Variants in GLDC observed in about 807,000 individuals in gnomAD.
The protein encoded by GLDC is glycine decarboxylase.
In GLDC, 104 loss-of-function variants were observed where a neutral mutation model predicts 121.3. That is an observed-to-expected ratio of 0.86 (90% confidence interval 0.73 to 1.01). The LOEUF is 1.01. GLDC is among the 50% of genes least tolerant of loss of function. GLDC has a pLI of 0.00. For synonymous variants in GLDC, 546 were observed against 480.6 expected, an observed-to-expected ratio of 1.14 and a Z score of -1.78; for missense variants, 1,429 against 1,306.6, an observed-to-expected ratio of 1.09 and a Z score of -1.44.
chr9:6,562,535 T>C (rs975028861), intron 16 of GLDC, among the ~76,000 whole-genome samples: 5 of 152,192 alleles, frequency 3.3e-5, no homozygotes, highest in African/African-American at 1.2e-4. Context: ...CATTTTCTTC[T>C]CTAACTAAGA....
intron 2 of GLDC, among the ~76,000 whole-genome samples, chr9:6,632,623 G>C (rs1235478634): frequency 6.6e-6 from 1 of 152,232 alleles, no homozygotes; most frequent in Non-Finnish European, 1.5e-5. Context: ...AAGAATAGAA[G>C]TCACAACACA....
intron 11 of GLDC, among the ~76,000 whole-genome samples, chr9:6,591,406 G>A (rs1563850655): frequency 6.6e-6 from 1 of 152,138 alleles, no homozygotes; most frequent in Non-Finnish European, 1.5e-5. Context: ...CTAATAAACT[G>A]TAAGCACCAG....
chr9:6,562,702 A>AGGC (rs142418203), intron 16 of GLDC, among the ~76,000 whole-genome samples: 2,679 of 152,242 alleles, frequency 0.018, 70 homozygotes, highest in African/African-American at 0.061. Context: ...CTGGGATCAC[A>AGGC]GGCGTGCACC....
At chr9:6,574,718 A>T (rs145007048) in intron 15 of GLDC, among the ~76,000 whole-genome samples, 8 of 152,152 alleles carry the variant, frequency 5.3e-5, no homozygotes, top group African/African-American at 1.9e-4. Context: ...TTTTCCTGGC[A>T]TTCTGACTGT....
At chr9:6,601,781 C>A (rs556371212) in intron 8 of GLDC, among the ~76,000 whole-genome samples, 5 of 152,234 alleles carry the variant, frequency 3.3e-5, no homozygotes, top group Admixed American at 2.6e-4. Context: ...CATACCACCA[C>A]TGACGGCTAA....
chr9:6,622,440 C>T (rs1312655770), intron 2 of GLDC, among the ~76,000 whole-genome samples: 1 of 149,772 alleles, frequency 6.7e-6, no homozygotes, highest in Admixed American at 6.6e-5. Context: ...GACGGGGTTT[C>T]CCTGTGTTGG....
chr9:6,613,436 G>A (rs1044584344), intron 3 of GLDC, among the ~76,000 whole-genome samples: 13 of 152,042 alleles, frequency 8.6e-5, no homozygotes, highest in African/African-American at 3.1e-4. Flanking sequence ...GACCAGCCTG[G>A]GCAACATAGC....
chr9:6,601,423 T>C (rs894125255), intron 8 of GLDC, among the ~76,000 whole-genome samples: 1 of 152,234 alleles, frequency 6.6e-6, no homozygotes, highest in Non-Finnish European at 1.5e-5. Flanking sequence ...AGTCTGTATA[T>C]AAAAGTGAAG....
At chr9:6,627,780 C>T (rs1238538389) in intron 2 of GLDC, among the ~76,000 whole-genome samples, 1 of 152,138 alleles carries the variant, frequency 6.6e-6, no homozygotes, top group Non-Finnish European at 1.5e-5. Context: ...AAATCTAAGA[C>T]CTCAGGCTTC....
intron 5 of GLDC, among the ~76,000 whole-genome samples, chr9:6,605,714 C>G (rs1818716589): frequency 1.3e-5 from 2 of 152,186 alleles, no homozygotes; most frequent in African/African-American, 2.4e-5. Flanking sequence ...CAGAAACCCC[C>G]CCTCTGAAGG....
chr9:6,533,088 G>A lies in GLDC; in HGVS notation c.2992C>T (p.Leu998=). ...RIDDIYGDQH[L]VCTCPPMEVY... is the part of the protein sequence containing the mutation. ...TCCATGGGTGGGCAGGTACAAACCA[G>A]GTGCTGATCTCCATATATGTCATCA... Residue 998 remains leucine, a synonymous_variant, in exon 25 of 25, where the codon CTG becomes TTG. Transcript: ENST00000321612. The A allele has an allele frequency of 6.2e-7, 1 of 1,611,242 alleles. No homozygotes were observed. Among genetic ancestry groups the A allele is most frequent in the South Asian group, 1.1e-5 (1 of 91,024 alleles).
chr9:6,589,484 G>T (rs376158126), intron 11 of GLDC, among the ~76,000 whole-genome samples, 192 bp from the exon 12 acceptor site: 1 of 152,252 alleles, frequency 6.6e-6, no homozygotes, highest in East Asian at 1.9e-4. Context: ...AGGCTAGAGT[G>T]CAGTGGCACG....
At position 6,588,662 on chromosome 9, in the gene GLDC, GT is replaced by G. The variant is rs1818317135; in HGVS notation, c.1620del (p.Lys540AsnfsTer13). ...SETNIVRYMK[K>X]LENKDISLVH... ...ACAAGGGAAATGTCTTTATTTTCCA[GT>G]TTCTTCATGTACCGGACAATGTTTG... On this transcript the variant is annotated frameshift_variant, in exon 13 of 25. Coordinates refer to ENST00000321612, the MANE Select transcript of GLDC (RefSeq NM_000170.3). LOFTEE classifies it high-confidence loss of function. 1 of 1,613,122 alleles carries G rather than the reference GT, an allele frequency of 6.2e-7. No homozygotes were observed. The highest frequency in any genetic ancestry group is 1.1e-5 in the South Asian group (1 of 91,068).
At chr9:6,636,691 C>G (rs1186720735) in intron 2 of GLDC, among the ~76,000 whole-genome samples, 1 of 152,120 alleles carries the variant, frequency 6.6e-6, no homozygotes, top group Non-Finnish European at 1.5e-5. Flanking sequence ...TGCGAGATCA[C>G]TTGAACCCAG....
chr9:6,567,655 C>G (rs753233102), intron 15 of GLDC, among the ~76,000 whole-genome samples: 4 of 152,190 alleles, frequency 2.6e-5, no homozygotes, highest in Non-Finnish European at 5.9e-5. Context: ...AGAACACTGA[C>G]ATAAAAAATA....
At chr9:6,533,875 T>A (rs1425984598) in intron 24 of GLDC, among the ~76,000 whole-genome samples, 4 of 150,336 alleles carry the variant, frequency 2.7e-5, no homozygotes, top group Non-Finnish European at 4.4e-5. Flanking sequence ...AAAAAAAAGT[T>A]AATTTCTCAT....
At chr9:6,553,936 CA>C (rs1211926976) in intron 19 of GLDC, among the ~76,000 whole-genome samples, 1 of 151,860 alleles carries the variant, frequency 6.6e-6, no homozygotes, top group Non-Finnish European at 1.5e-5. Flanking sequence ...GGAGCTCACA[CA>C]TTTACTAGAA....
At chr9:6,565,609 C>A in intron 15 of GLDC, 180 bp from the exon 16 acceptor site, 4 of 678,560 alleles carry the variant, frequency 5.9e-6, no homozygotes, top group Middle Eastern at 3.8e-4. Context: ...ACAATCAAAA[C>A]AATCAAAGCA....
At chr9:6,567,855 T>G (rs1271605859) in intron 15 of GLDC, among the ~76,000 whole-genome samples, 1 of 152,224 alleles carries the variant, frequency 6.6e-6, no homozygotes, top group Non-Finnish European at 1.5e-5. Flanking sequence ...AGGGTCTAAT[T>G]CTCAGAGTTC....
Sources: gnomAD v4.1 joint callset for allele counts (sites outside exome capture counted in the v4.1 genomes callset) on GRCh38, gnomAD v4.1.1 for gene constraint, MANE v1.5 for transcripts, NCBI Gene and HGNC (gene_info 2026-07-23, HGNC 2026-07-21) for gene names.